Variants in LDLRAD4 observed in about 807,000 individuals in gnomAD.
LDLRAD4 encodes the protein low-density lipoprotein receptor class A domain-containing protein 4.
A neutral mutation model predicts 17.0 loss-of-function variants in LDLRAD4; 5 were observed. The ratio of observed to expected loss-of-function variants is 0.29; its 90% CI spans 0.15 to 0.62. LDLRAD4 has a LOEUF of 0.62. Ranked by LOEUF, LDLRAD4 falls within the 20% of genes least tolerant of loss-of-function variation. The pLI, the probability that LDLRAD4 is intolerant of heterozygous loss-of-function variation, is 0.84. For missense variants in LDLRAD4, 340 were observed against 424.7 expected (o/e 0.80, Z 1.75); for synonymous variants, 168 against 171.8 (o/e 0.98, Z 0.17).
intron 1 of LDLRAD4, among the ~76,000 whole-genome samples, chr18:13,255,737 C>T (rs1262076056): frequency 6.6e-6 from 1 of 152,080 alleles, no homozygotes; most frequent in Non-Finnish European, 1.5e-5. Flanking sequence ...GACGGCTCCC[C>T]AGGCCAGGGC....
chr18:13,629,462 T>G (rs567402220), intron 4 of LDLRAD4, among the ~76,000 whole-genome samples: 2 of 152,346 alleles, frequency 1.3e-5, no homozygotes, highest in East Asian at 3.9e-4. Context: ...AAAGGAACAC[T>G]GATCTGTGCA....
intron 1 of LDLRAD4, among the ~76,000 whole-genome samples, chr18:13,227,270 A>G (rs2041858524): frequency 6.6e-6 from 1 of 152,156 alleles, no homozygotes; most frequent in African/African-American, 2.4e-5. Context: ...AAATCACTTT[A>G]CTAGGTGGTG....
At chr18:13,488,522 C>T (rs1332004530) in intron 3 of LDLRAD4, 1 of 152,274 alleles carries the variant, frequency 6.6e-6, no homozygotes, top group Non-Finnish European at 1.5e-5. Context: ...CATTGTGGAG[C>T]CCTGCCTGTG....
chr18:13,371,116 G>A (rs1387671515), intron 1 of LDLRAD4, among the ~76,000 whole-genome samples: 1 of 152,214 alleles, frequency 6.6e-6, no homozygotes. Flanking sequence ...CCGGGTGCCG[G>A]TGGGCAATGC....
chr18:13,314,923 C>G (rs1313133749), intron 1 of LDLRAD4, among the ~76,000 whole-genome samples: 3 of 152,126 alleles, frequency 2.0e-5, no homozygotes. Context: ...TAGAGATGTT[C>G]TCGTACGTTG....
chr18:13,478,693 G>A (rs8085266), intron 3 of LDLRAD4, among the ~76,000 whole-genome samples: 121 of 152,274 alleles, frequency 7.9e-4, no homozygotes, highest in African/African-American at 2.6e-3. Context: ...TCAAGATGCC[G>A]GTTCTTCCCA....
chr18:13,294,373 C>T (rs1298604239), intron 1 of LDLRAD4, among the ~76,000 whole-genome samples: 1 of 152,228 alleles, frequency 6.6e-6, no homozygotes, highest in Non-Finnish European at 1.5e-5. Flanking sequence ...GCCCCTTCTC[C>T]ACAAGGCTTA....
chr18:13,424,768 C>T (rs933778174), intron 2 of LDLRAD4, among the ~76,000 whole-genome samples: 15 of 152,128 alleles, frequency 9.9e-5, no homozygotes, highest in African/African-American at 1.7e-4. Flanking sequence ...CAGGAGGAAC[C>T]GTGTACATGA....
chr18:13,455,915 C>T (rs1296297881), intron 3 of LDLRAD4, among the ~76,000 whole-genome samples: 1 of 152,172 alleles, frequency 6.6e-6, no homozygotes, highest in Non-Finnish European at 1.5e-5. Flanking sequence ...CTGTTTTACT[C>T]AGAGCCCCAG....
intron 1 of LDLRAD4, among the ~76,000 whole-genome samples, chr18:13,261,877 T>C (rs1304254309): frequency 1.3e-5 from 2 of 152,000 alleles, no homozygotes; most frequent in African/African-American, 2.4e-5. Context: ...CCACCAGAGC[T>C]TGAGAGAGCA....
rs1302477258 is a variant in LDLRAD4, at chr18:13,534,840, AGTCCC to A, written c.182-86275_182-86271del. ...TCATGTTCCTTGATACCCAGTCCCC[AGTCCC>A]GACCCCAGGCTCCAGGCCACCTCGG... On this transcript the variant is annotated intron_variant, in intron 3 of 5. Transcript: ENST00000359446. 8.5e-5 allele frequency among the ~76,000 whole-genome samples: 13 copies of A among 152,290 alleles called. No individual in the cohort carries two copies. The East Asian group carries it at 2.3e-3, about 27-fold the overall frequency.
chr18:13,429,229 G>T (rs1642334270), intron 2 of LDLRAD4, among the ~76,000 whole-genome samples: 1 of 152,204 alleles, frequency 6.6e-6, no homozygotes, highest in African/African-American at 2.4e-5. Flanking sequence ...GGTCTCCAGG[G>T]ACCTGGCCAG....
intron 3 of LDLRAD4, among the ~76,000 whole-genome samples, chr18:13,581,858 T>C (rs1009288006): frequency 3.3e-5 from 5 of 152,168 alleles, no homozygotes; most frequent in Admixed American, 6.5e-5. Flanking sequence ...TGTACACTCA[T>C]GTGCAGAGCT....
At chr18:13,384,032 G>C (rs916002078) in intron 1 of LDLRAD4, among the ~76,000 whole-genome samples, 2 of 152,172 alleles carry the variant, frequency 1.3e-5, no homozygotes, top group Admixed American at 1.3e-4. Context: ...CCCTGCTTTT[G>C]TTGGGAACCG....
intron 1 of LDLRAD4, among the ~76,000 whole-genome samples, chr18:13,347,780 C>G (rs183161923): frequency 1.3e-4 from 20 of 152,232 alleles, no homozygotes; most frequent in African/African-American, 4.8e-4. Context: ...TCTTTTTATT[C>G]TTTTTTCTCT....
chr18:13,450,879 C>T (rs1042115411), intron 3 of LDLRAD4, among the ~76,000 whole-genome samples: 22 of 151,942 alleles, frequency 1.4e-4, no homozygotes, highest in Admixed American at 3.9e-4. Flanking sequence ...TGGAAGCTTG[C>T]GGGGAGGGGA....
At chr18:13,639,407 G>A (rs536879633) in intron 4 of LDLRAD4, among the ~76,000 whole-genome samples, 1 of 152,348 alleles carries the variant, frequency 6.6e-6, no homozygotes, top group South Asian at 2.1e-4. Context: ...TCACACCCTC[G>A]TTTGACAGAG....
chr18:13,267,726 C>T (rs1485139065), intron 1 of LDLRAD4, among the ~76,000 whole-genome samples: 2 of 152,236 alleles, frequency 1.3e-5, no homozygotes, highest in Non-Finnish European at 2.9e-5. Flanking sequence ...CGCATTCTGG[C>T]TGGCTGATTG....
chr18:13,457,116 A>G (rs1445119232), intron 3 of LDLRAD4, among the ~76,000 whole-genome samples: 1 of 152,222 alleles, frequency 6.6e-6, no homozygotes, highest in Non-Finnish European at 1.5e-5. Context: ...GTCAGTCCCC[A>G]AGGCTGCCCC....
Sources: gnomAD v4.1 joint callset for allele counts (sites outside exome capture counted in the v4.1 genomes callset) on GRCh38, gnomAD v4.1.1 for gene constraint, MANE v1.5 for transcripts, NCBI Gene and HGNC (gene_info 2026-07-23, HGNC 2026-07-21) for gene names.